Variants in THSD7B observed in about 807,000 individuals in gnomAD.
THSD7B encodes thrombospondin type-1 domain-containing protein 7B.
THSD7B carries 138 observed loss-of-function variants against 213.6 expected under a neutral mutation model. The observed-to-expected ratio is 0.65, with a 90% CI of 0.56 to 0.74. THSD7B has a LOEUF of 0.74. THSD7B is among the 30% of genes least tolerant of loss of function. The pLI is 0.00. For synonymous variants in THSD7B, 742 were observed against 687.0 expected, an observed-to-expected ratio of 1.08 and a Z score of -1.25; for missense variants, 1,931 against 1,991.5, an observed-to-expected ratio of 0.97 and a Z score of 0.58.
At chr2:137,119,819 A>G (rs948922117) in intron 5 of THSD7B, among the ~76,000 whole-genome samples, 1 of 152,206 alleles carries the variant, frequency 6.6e-6, no homozygotes, top group African/African-American at 2.4e-5. Context: ...CTATGTGTAA[A>G]TGTATCTGAC....
At chr2:137,361,207 A>G (rs755694150) in intron 12 of THSD7B, among the ~76,000 whole-genome samples, 14 of 152,138 alleles carry the variant, frequency 9.2e-5, no homozygotes, top group Non-Finnish European at 4.4e-5. Flanking sequence ...GGACATCCAC[A>G]CCAAAACCCC....
chr2:136,847,277 C>G (rs908593936), intron 1 of THSD7B, among the ~76,000 whole-genome samples: 1 of 152,148 alleles, frequency 6.6e-6, no homozygotes, highest in Non-Finnish European at 1.5e-5. Flanking sequence ...AATAGGATCT[C>G]AGAGTGGTGG....
chr2:137,084,868 C>G (rs1009072318), intron 3 of THSD7B, among the ~76,000 whole-genome samples: 12 of 152,064 alleles, frequency 7.9e-5, no homozygotes, highest in Admixed American at 2.0e-4. Flanking sequence ...TTTATTCTGA[C>G]AAATACAAGA....
chr2:137,110,046 C>T (rs1472047288), intron 4 of THSD7B, among the ~76,000 whole-genome samples: 4 of 152,282 alleles, frequency 2.6e-5, no homozygotes, highest in Admixed American at 6.5e-5. Flanking sequence ...GCCCAACATC[C>T]TTATGCTCAC....
intron 3 of THSD7B, among the ~76,000 whole-genome samples, chr2:137,079,312 A>G (rs1264513835): frequency 6.6e-6 from 1 of 152,106 alleles, no homozygotes; most frequent in South Asian, 2.1e-4. Flanking sequence ...CCTATTTTGT[A>G]CCAAAAATAG....
At chr2:137,555,562 C>A (rs1680943045) in intron 15 of THSD7B, among the ~76,000 whole-genome samples, 1 of 151,972 alleles carries the variant, frequency 6.6e-6, no homozygotes. Flanking sequence ...TCATCAAAGA[C>A]CAAAGGTAGA....
chr2:137,363,299 C>T (rs77353796), intron 12 of THSD7B, among the ~76,000 whole-genome samples: 31,093 of 151,846 alleles, frequency 0.2, 3,393 homozygotes, highest in African/African-American at 0.27. Context: ...GATCTAAAAT[C>T]GACACCCTAA....
intron 2 of THSD7B, among the ~76,000 whole-genome samples, chr2:137,035,784 G>T (rs1338288376): frequency 6.6e-6 from 1 of 151,936 alleles, no homozygotes; most frequent in Non-Finnish European, 1.5e-5. Context: ...GTCAGGAAAG[G>T]GCTTTGATAT....
rs914896060 is a variant in THSD7B, at chr2:137,094,735, C to T, written c.951-138C>T. ...ACTCTTCAATATTTTTTCATGATGTCTCTAAAATTTTTTAAAAATCTTCCT... is the reference window on the plus strand; with the variant it reads ...ACTCTTCAATATTTTTTCATGATGTTTCTAAAATTTTTTAAAAATCTTCCT... On this transcript the variant is annotated intron_variant, in intron 3 of 27. Coordinates refer to ENST00000409968, the MANE Select transcript of THSD7B (RefSeq NM_001316349.2). The T allele has an allele frequency of 1.1e-5, 11 of 1,046,138 alleles. No individual in the cohort carries two copies. The African/African-American group carries it at 1.8e-4, about 17-fold the overall frequency. The allele number at this position is 1,046,138 out of a possible 1,614,324, so 64.8% of individuals were successfully genotyped here.
intron 21 of THSD7B, among the ~76,000 whole-genome samples, chr2:137,649,939 T>TA (rs879915440): frequency 1.6e-3 from 240 of 145,534 alleles, no homozygotes; most frequent in African/African-American, 3.9e-3. Context: ...CTACTAAAAT[T>TA]AAAAAAAAAA....
chr2:136,960,818 A>G (rs1202784454), intron 2 of THSD7B, among the ~76,000 whole-genome samples: 7 of 152,040 alleles, frequency 4.6e-5, no homozygotes, highest in East Asian at 3.9e-4. Context: ...GGCCGGGCGC[A>G]GTGGCTCAGG....
chr2:137,439,070 C>T (rs996204833), intron 14 of THSD7B, among the ~76,000 whole-genome samples: 9 of 152,060 alleles, frequency 5.9e-5, no homozygotes, highest in African/African-American at 1.9e-4. Flanking sequence ...AGGATTTTCT[C>T]CTATAAACTT....
At chr2:136,939,788 T>C (rs1397028997) in intron 2 of THSD7B, among the ~76,000 whole-genome samples, 1 of 152,184 alleles carries the variant, frequency 6.6e-6, no homozygotes, top group Non-Finnish European at 1.5e-5. Context: ...TCATCCATCT[T>C]GTCAGTGTGC....
chr2:137,265,832 GTTA>G (rs773678276), intron 10 of THSD7B, among the ~76,000 whole-genome samples: 1 of 152,208 alleles, frequency 6.6e-6, no homozygotes, highest in Admixed American at 6.5e-5. Flanking sequence ...GAATGGAGGA[GTTA>G]TTATTATTTA....
chr2:137,473,827 G>T (rs943500585), intron 15 of THSD7B, among the ~76,000 whole-genome samples: 6 of 152,170 alleles, frequency 3.9e-5, no homozygotes, highest in Admixed American at 3.9e-4. Flanking sequence ...TAGGCTTTCT[G>T]AAATTGTCTC....
chr2:137,011,362 T>G (rs1050739428), intron 2 of THSD7B, among the ~76,000 whole-genome samples: 10 of 152,172 alleles, frequency 6.6e-5, no homozygotes, highest in African/African-American at 1.7e-4. Flanking sequence ...TCAAATCCTG[T>G]TTTAAGCTCT....
At chr2:137,263,925 G>A (rs142349600) in intron 10 of THSD7B, among the ~76,000 whole-genome samples, 2 of 152,138 alleles carry the variant, frequency 1.3e-5, no homozygotes, top group African/African-American at 2.4e-5. Context: ...TGATGGATTT[G>A]GATAATAAAT....
chr2:137,140,435 A>C (rs967710635), intron 5 of THSD7B, among the ~76,000 whole-genome samples: 1 of 152,136 alleles, frequency 6.6e-6, no homozygotes, highest in African/African-American at 2.4e-5. Context: ...ATATTTTACT[A>C]TGTTTCCTTG....
chr2:137,004,705 A>C (rs1686070136), intron 2 of THSD7B, among the ~76,000 whole-genome samples: 1 of 152,200 alleles, frequency 6.6e-6, no homozygotes, highest in South Asian at 2.1e-4. Flanking sequence ...AAATAATCAG[A>C]TAGCTATTGG....
Sources: allele counts gnomAD v4.1 joint callset (sites outside exome capture counted in the v4.1 genomes callset), GRCh38; gene constraint gnomAD v4.1.1; transcripts MANE v1.5; gene names NCBI Gene and HGNC (gene_info 2026-07-23, HGNC 2026-07-21).